Variants in MPP7 observed in about 807,000 individuals in gnomAD.
The protein encoded by MPP7 is MAGUK p55 subfamily member 7.
MPP7 carries 60 observed loss-of-function variants against 76.5 expected under a neutral mutation model. The observed-to-expected ratio is 0.78, with a 90% CI of 0.64 to 0.97. The LOEUF (loss-of-function observed/expected upper bound fraction) is 0.97, where lower values mean the gene tolerates loss of function less well. Among genes scored for constraint, MPP7 ranks in the 50% least tolerant of loss-of-function variants. The pLI is 0.00. For missense variants in MPP7, 641 were observed against 694.0 expected (o/e 0.92, Z 0.86); for synonymous variants, 237 against 244.5 (o/e 0.97, Z 0.29).
chr10:28,282,036 T>G (rs1376747045), intron 1 of MPP7: 1 of 152,098 alleles, frequency 6.6e-6, no homozygotes, highest in Admixed American at 6.5e-5. Context: ...AATGAGGCTT[T>G]TGGCCTTGGA....
At chr10:28,123,178 T>A (rs756846588) in intron 8 of MPP7, among the ~76,000 whole-genome samples, 2 of 152,168 alleles carry the variant, frequency 1.3e-5, no homozygotes, top group Admixed American at 6.5e-5. Flanking sequence ...CCTCTTCTAG[T>A]TGGTATAGGT....
chr10:28,153,780 G>A (rs760745835), intron 3 of MPP7, among the ~76,000 whole-genome samples: 23 of 152,156 alleles, frequency 1.5e-4, no homozygotes, highest in Admixed American at 6.5e-5. Context: ...TGTCAATGAT[G>A]TACAGACTCC....
At chr10:28,103,231 G>A (rs986129535) in intron 11 of MPP7, among the ~76,000 whole-genome samples, 1 of 146,622 alleles carries the variant, frequency 6.8e-6, no homozygotes, top group East Asian at 2.1e-4. Flanking sequence ...TGCATACGCT[G>A]TCTGGGGCCT....
At chr10:28,227,586 A>G (rs1182605252) in intron 2 of MPP7, among the ~76,000 whole-genome samples, 2 of 152,018 alleles carry the variant, frequency 1.3e-5, no homozygotes, top group African/African-American at 4.8e-5. Context: ...CTGTTCCTGC[A>G]TAAGTTTGCT....
At chr10:28,312,882 C>T (rs772259549) in intron 2 of MPP7, among the ~76,000 whole-genome samples, 2 of 152,186 alleles carry the variant, frequency 1.3e-5, no homozygotes, top group African/African-American at 4.8e-5. Flanking sequence ...CACTTGAAAA[C>T]TAAGTAACTC....
At chr10:28,243,178 T>C (rs1006536476) in intron 1 of MPP7, among the ~76,000 whole-genome samples, 1 of 152,150 alleles carries the variant, frequency 6.6e-6, no homozygotes, top group Admixed American at 6.6e-5. Context: ...GAGTCCATAC[T>C]TTCAAGGGAA....
intron 8 of MPP7, among the ~76,000 whole-genome samples, chr10:28,122,095 C>T (rs999403539): frequency 6.6e-6 from 1 of 152,134 alleles, no homozygotes; most frequent in Non-Finnish European, 1.5e-5. Context: ...GTAGAAGGCG[C>T]TCACAAATCT....
intron 1 of MPP7, among the ~76,000 whole-genome samples, chr10:28,288,332 T>G (rs1401308570): frequency 6.6e-6 from 1 of 152,168 alleles, no homozygotes; most frequent in East Asian, 1.9e-4. Context: ...CTCAACCTCC[T>G]GGGCTCAAGC....
In MPP7 at chr10:28,051,281, A is replaced by G. The variant is rs1228178814; in HGVS notation, c.*2784T>C. On this transcript the variant is annotated 3_prime_UTR_variant, in exon 17 of 17. Transcript: ENST00000683449. ...AAAAATCTGTATCTTTAGAAAGAAC[A>G]TAGTTTTGTAAGTCTGAGAAGGTTA... 1.3e-5 allele frequency: 2 copies of G among 152,240 alleles called. No individual in the cohort carries two copies. The highest frequency in any genetic ancestry group is 2.9e-5 in the Non-Finnish European group (2 of 68,038). 9.4% of individuals were successfully genotyped at this position (152,240 alleles called of 1,614,324 possible).
chr10:28,136,213 A>T (rs1395228481), intron 5 of MPP7, among the ~76,000 whole-genome samples: 1 of 151,960 alleles, frequency 6.6e-6, no homozygotes, highest in East Asian at 1.9e-4. Context: ...TATGGTGATT[A>T]TGTAATAATA....
In MPP7 at chr10:28,054,204, A is replaced by G; in HGVS notation, c.1592T>C (p.Met531Thr). The G allele has an allele frequency of 6.3e-7, 1 of 1,596,598 alleles. No homozygotes were observed. The highest frequency in any genetic ancestry group is 8.6e-7 in the Non-Finnish European group (1 of 1,167,904). The change falls in exon 17 of 17, where the codon ATG becomes ACG. Residue 531 changes from methionine (M) to threonine (T), a missense_variant. By Grantham distance (81) the Met-to-Thr change is moderately conservative. Coordinates refer to ENST00000683449, the MANE Select transcript of MPP7 (RefSeq NM_001318170.2). ...AAAAAGATGACCATATTGACTTTCCATTATCTGTGCAGATTTAATCATTTC... is the reference window on the plus strand; with the variant it reads ...AAAAAGATGACCATATTGACTTTCCGTTATCTGTGCAGATTTAATCATTTC... The part of the protein sequence containing the change: ...FQEMIKSAQI[M>T]ESQYGHLFDK...
At chr10:28,232,391 A>ACACACACACAC in intron 2 of MPP7, among the ~76,000 whole-genome samples, 1 of 151,114 alleles carries the variant, frequency 6.6e-6, no homozygotes, top group African/African-American at 2.4e-5. Context: ...ACACACACAC[A>ACACACACACAC]AATTGATTGG....
chr10:28,201,291 T>C (rs1758272992), intron 3 of MPP7, among the ~76,000 whole-genome samples: 1 of 152,116 alleles, frequency 6.6e-6, no homozygotes, highest in African/African-American at 2.4e-5. Context: ...AATTGCTCAT[T>C]TTCTAATACT....
Position 28,285,621 on chromosome 10 carries a change from T to C in MPP7, c.-132+17240A>G, listed in dbSNP as rs546987927. Among the ~76,000 whole-genome samples, 19 of 152,306 alleles carry C rather than the reference T, an allele frequency of 1.2e-4. No homozygotes were observed. The East Asian group carries it at 2.5e-3, about 20-fold the overall frequency. ...TGCAAACCCTTGATAAAATAATGGA[T>C]CTAGGCAATGGTTATCAATGGTCAT... On this transcript the variant is annotated intron_variant, in intron 1 of 16. Transcript: ENST00000683449.
chr10:28,108,506 A>C (rs1471421831), intron 11 of MPP7, among the ~76,000 whole-genome samples: 1 of 151,574 alleles, frequency 6.6e-6, no homozygotes. Flanking sequence ...AATACAAAAA[A>C]ATTAGCTGGC....
At chr10:28,107,812 G>A (rs994469389) in intron 11 of MPP7, among the ~76,000 whole-genome samples, 2 of 152,148 alleles carry the variant, frequency 1.3e-5, no homozygotes, top group Non-Finnish European at 2.9e-5. Flanking sequence ...GAACCACACT[G>A]CTGACCACAG....
chr10:28,223,037 G>A (rs1838569677), intron 2 of MPP7, among the ~76,000 whole-genome samples: 1 of 151,576 alleles, frequency 6.6e-6, no homozygotes, highest in Non-Finnish European at 1.5e-5. Flanking sequence ...AGGAGGCTGA[G>A]GCAGGAGAAT....
At chr10:28,223,531 C>G (rs1000621194) in intron 2 of MPP7, among the ~76,000 whole-genome samples, 2 of 152,162 alleles carry the variant, frequency 1.3e-5, no homozygotes, top group Non-Finnish European at 2.9e-5. Flanking sequence ...TTATGTTTGT[C>G]AGAGTTCTTC....
At chr10:28,101,842 G>A (rs1853838148) in intron 11 of MPP7, among the ~76,000 whole-genome samples, 1 of 151,066 alleles carries the variant, frequency 6.6e-6, no homozygotes, top group Non-Finnish European at 1.5e-5. Context: ...CTGATGGTTC[G>A]ACCATCGAGA....
Sources: allele counts gnomAD v4.1 joint callset (sites outside exome capture counted in the v4.1 genomes callset), GRCh38; gene constraint gnomAD v4.1.1; transcripts MANE v1.5; gene names NCBI Gene and HGNC (gene_info 2026-07-23, HGNC 2026-07-21).